The following DMD variants were observed in gnomAD, a reference collection of about 807,000 sequenced individuals.
DMD encodes the protein dystrophin, also known as mutant dystrophin.
DMD carries 63 observed loss-of-function variants against 330.1 expected under a neutral mutation model. The ratio of observed to expected loss-of-function variants is 0.19; its 90% CI spans 0.16 to 0.24. The LOEUF is 0.24. DMD is among the 10% of genes least tolerant of loss of function. DMD has a pLI of 1.00. For missense variants in DMD, 3,344 were observed against 2,684.1 expected (o/e 1.25, Z -5.43); for synonymous variants, 1,223 against 959.8 (o/e 1.27, Z -5.07).
intron 26 of DMD, among the ~76,000 whole-genome samples, chrX:32,453,044 ATAAGTCAAGTTTTTCTAAAATAGCATCC>A (rs2098340618): frequency 9.0e-6 from 1 of 111,151 alleles, no homozygotes; most frequent in African/African-American, 3.3e-5. Flanking sequence ...TAAATGCTCT[ATAAGTCAAGTTTTTCTAAAATAGCATCC>A]TACCACCCTC....
intron 1 of DMD, among the ~76,000 whole-genome samples, chrX:33,181,720 G>A (rs1249810892): frequency 8.9e-6 from 1 of 111,828 alleles, no homozygotes; most frequent in Non-Finnish European, 1.9e-5. Context: ...CGGAGCTATT[G>A]CACTGACCAA....
At chrX:31,737,961 G>A (rs1418748707) in intron 51 of DMD, among the ~76,000 whole-genome samples, 2 of 111,736 alleles carry the variant, frequency 1.8e-5, no homozygotes, top group Non-Finnish European at 3.8e-5. Context: ...AATAAGTTTA[G>A]GTAGACATAG....
Position 32,464,534 on chromosome X carries a change from A to G in DMD, c.3276+52T>C, listed in dbSNP as rs978709900. The G allele has an allele frequency of 1.0e-5, 10 of 955,120 alleles. No individual in the cohort carries two copies. In the Admixed American group the frequency reaches 2.2e-4, roughly 21 times the overall value. 78.7% of individuals were successfully genotyped at this position (955,120 alleles called of 1,213,427 possible). ...AGCTGTAAAACACTGATCTAACCAA[A>G]TAATATTCATACAAAATTATTCATA... On this transcript the variant is annotated intron_variant, in intron 24 of 78. Coordinates refer to ENST00000357033, the MANE Select transcript of DMD (RefSeq NM_004006.3).
intron 7 of DMD, among the ~76,000 whole-genome samples, chrX:32,782,268 T>C (rs913489985): frequency 2.7e-5 from 3 of 111,853 alleles, no homozygotes; most frequent in Non-Finnish European, 5.6e-5. Context: ...ACTTGGTGTG[T>C]ATAGTATGTG....
intron 53 of DMD, among the ~76,000 whole-genome samples, chrX:31,659,947 A>C (rs1362415645): frequency 4.5e-5 from 5 of 112,141 alleles, no homozygotes; most frequent in African/African-American, 1.6e-4. Flanking sequence ...TGATATTTAC[A>C]GAATAAAAAT....
chrX:31,380,092 TC>T (rs1337334040), intron 60 of DMD, among the ~76,000 whole-genome samples: 1 of 109,779 alleles, frequency 9.1e-6, no homozygotes, highest in Non-Finnish European at 1.9e-5. Flanking sequence ...GGCTACCCAC[TC>T]CACATTACCT....
chrX:32,534,733 C>T (rs2047797123), intron 17 of DMD, among the ~76,000 whole-genome samples: 1 of 111,371 alleles, frequency 9.0e-6, no homozygotes, highest in African/African-American at 3.3e-5. Flanking sequence ...CTAATCTCCT[C>T]AGAAGAGCCC....
upstream of DMD, among the ~76,000 whole-genome samples, chrX:33,213,459 G>C (rs1278692951): frequency 9.0e-6 from 1 of 111,289 alleles, no homozygotes; most frequent in African/African-American, 3.3e-5. Flanking sequence ...AATTTAGACC[G>C]AACAAATTGA....
intron 7 of DMD, among the ~76,000 whole-genome samples, chrX:32,801,894 C>T (rs1439888708): frequency 8.9e-6 from 1 of 111,784 alleles, no homozygotes; most frequent in African/African-American, 3.3e-5. Flanking sequence ...CAGTATCATG[C>T]TGTTTTGGTT....
chrX:32,396,959 T>C (rs970850560), intron 30 of DMD, among the ~76,000 whole-genome samples: 1 of 111,466 alleles, frequency 9.0e-6, no homozygotes, highest in Non-Finnish European at 1.9e-5. Context: ...TATTGTGAAA[T>C]AGAAAAGTAA....
intron 2 of DMD, among the ~76,000 whole-genome samples, chrX:32,983,226 GA>G: frequency 9.0e-6 from 1 of 110,708 alleles, no homozygotes; most frequent in African/African-American, 3.3e-5. Flanking sequence ...CTCCCCTAGA[GA>G]AAATTTACTG....
At chrX:32,342,003 T>C (rs2097745635) in intron 41 of DMD, 97 bp downstream of exon 41, 1 of 893,758 alleles carries the variant, frequency 1.1e-6, no homozygotes, top group South Asian at 2.4e-5. Flanking sequence ...TTTAAAACTG[T>C]ACCCAGATTT....
At position 32,491,534 on chromosome X, in the gene DMD, TAATTA is replaced by T. The variant is rs2042998621; in HGVS notation, c.2381-21_2381-17del. The stretch of plus-strand genomic sequence containing the variant: ...TTAACACCCTCTAGAAAGAAAAAAA[TAATTA>T]AATATATCCCCTGAACCCACAGACT... On this transcript the variant is annotated splice_polypyrimidine_tract_variant and intron_variant, in intron 19 of 78. Coordinates refer to ENST00000357033, the MANE Select transcript of DMD (RefSeq NM_004006.3). 1 of 1,193,082 alleles carries T rather than the reference TAATTA, an allele frequency of 8.4e-7. No individual in the cohort carries two copies. Among genetic ancestry groups the T allele is most frequent in the African/African-American group, 1.8e-5 (1 of 56,512 alleles).
At chrX:32,469,306 C>T (rs1041140200) in intron 22 of DMD, among the ~76,000 whole-genome samples, 1 of 110,033 alleles carries the variant, frequency 9.1e-6, no homozygotes, top group Non-Finnish European at 1.9e-5. Context: ...CTTTAGACTT[C>T]CCCTGTTCAA....
chrX:32,586,980 TA>T (rs779839906), intron 13 of DMD, among the ~76,000 whole-genome samples: 1 of 111,837 alleles, frequency 8.9e-6, no homozygotes, highest in African/African-American at 3.2e-5. Context: ...TAAATGCATT[TA>T]ATTCACCAAA....
intron 45 of DMD, among the ~76,000 whole-genome samples, chrX:31,961,681 G>T (rs2095304539): frequency 1.8e-5 from 2 of 108,421 alleles, no homozygotes; most frequent in South Asian, 7.9e-4. Flanking sequence ...GAGTCTTAAG[G>T]GATGTGTAAG....
chrX:32,285,085 T>G (rs1398166530), intron 43 of DMD, among the ~76,000 whole-genome samples: 2 of 112,258 alleles, frequency 1.8e-5, no homozygotes, highest in Non-Finnish European at 3.8e-5. Context: ...AAATTACTCA[T>G]GAGTAAAGCG....
At chrX:31,721,330 T>G (rs58926370) in intron 52 of DMD, among the ~76,000 whole-genome samples, 27,877 of 109,746 alleles carry the variant, frequency 0.25, 3,749 homozygotes, top group African/African-American at 0.49. Flanking sequence ...TAGATGTGAT[T>G]AACATTTCAA....
At chrX:32,661,484 G>A (rs1015018300) in intron 9 of DMD, among the ~76,000 whole-genome samples, 1 of 111,578 alleles carries the variant, frequency 9.0e-6, no homozygotes, top group African/African-American at 3.2e-5. Context: ...TCTGTCTCAC[G>A]AAATCCTGAA....
Sources: allele counts gnomAD v4.1 joint callset (sites outside exome capture counted in the v4.1 genomes callset), GRCh38; gene constraint gnomAD v4.1.1; transcripts MANE v1.5; gene names NCBI Gene and HGNC (gene_info 2026-07-23, HGNC 2026-07-21).